Variants in PTPN14 observed in about 807,000 individuals in gnomAD.
PTPN14 encodes the protein tyrosine-protein phosphatase non-receptor type 14.
A neutral mutation model predicts 126.8 loss-of-function variants in PTPN14; 53 were observed. The observed-to-expected ratio is 0.42, with a 90% CI of 0.34 to 0.53. The LOEUF is 0.53. Among genes scored for constraint, PTPN14 ranks in the 20% least tolerant of loss-of-function variants. The pLI is 0.08. For missense variants in PTPN14, 1,257 were observed against 1,552.9 expected, an observed-to-expected ratio of 0.81 and a Z score of 3.20; for synonymous variants, 630 against 599.3, an observed-to-expected ratio of 1.05 and a Z score of -0.75.
At chr1:214,362,950 GCA>G (rs1371676659) in intron 18 of PTPN14, among the ~76,000 whole-genome samples, 1 of 152,242 alleles carries the variant, frequency 6.6e-6, no homozygotes, top group Non-Finnish European at 1.5e-5. Flanking sequence ...CTCAAGCCAT[GCA>G]CACACTGATT....
chr1:214,441,835 A>G (rs1449563866), intron 3 of PTPN14, among the ~76,000 whole-genome samples: 1 of 152,238 alleles, frequency 6.6e-6, no homozygotes, highest in African/African-American at 2.4e-5. Flanking sequence ...GCTTTAGAAA[A>G]AGTAGACTAT....
chr1:214,373,558 A>AACACAC (rs10562157), intron 15 of PTPN14, among the ~76,000 whole-genome samples: 124 of 138,688 alleles, frequency 8.9e-4, no homozygotes, highest in African/African-American at 1.8e-3. Context: ...ATTTCATTGA[A>AACACAC]ACACACACAC....
chr1:214,395,097 A>T, intron 8 of PTPN14, 111 bp from the exon 9 acceptor site: 1 of 927,908 alleles, frequency 1.1e-6, no homozygotes, highest in Non-Finnish European at 1.7e-6. Context: ...ACTATGATTT[A>T]ACTATTTTTT....
At chr1:214,467,471 A>G (rs552160355) in intron 1 of PTPN14, among the ~76,000 whole-genome samples, 74 of 152,244 alleles carry the variant, frequency 4.9e-4, no homozygotes, top group Non-Finnish European at 6.5e-4. Context: ...AACAATCTCT[A>G]CTACATATTC....
chr1:214,421,969 A>G (rs1032587214), intron 3 of PTPN14, among the ~76,000 whole-genome samples: 5 of 152,172 alleles, frequency 3.3e-5, no homozygotes, highest in Non-Finnish European at 7.4e-5. Context: ...CACTGGCACC[A>G]GCGCCTCCCC....
chr1:214,374,442 C>T (rs1391868552), intron 15 of PTPN14, among the ~76,000 whole-genome samples: 1 of 152,168 alleles, frequency 6.6e-6, no homozygotes, highest in Non-Finnish European at 1.5e-5. Flanking sequence ...ATAAATACTT[C>T]CAGAGAATGC....
chr1:214,414,482 C>T, intron 4 of PTPN14, 147 bp downstream of exon 4: 2 of 775,246 alleles, frequency 2.6e-6, no homozygotes, highest in South Asian at 1.8e-5. Context: ...ACTAACTTTG[C>T]ATTTTTCACG....
intron 18 of PTPN14, among the ~76,000 whole-genome samples, chr1:214,358,933 A>C (rs1657888904): frequency 6.6e-6 from 1 of 151,306 alleles, no homozygotes; most frequent in African/African-American, 2.4e-5. Context: ...TAGTAGAGAC[A>C]GGGTTTCGTC....
At chr1:214,437,668 C>G (rs1400225013) in intron 3 of PTPN14, among the ~76,000 whole-genome samples, 2 of 152,116 alleles carry the variant, frequency 1.3e-5, no homozygotes, top group Admixed American at 1.3e-4. Flanking sequence ...CTTCTAGGAT[C>G]CCCAGGAAGA....
intron 1 of PTPN14, among the ~76,000 whole-genome samples, chr1:214,545,193 G>A (rs530277083): frequency 1.6e-4 from 24 of 152,304 alleles, no homozygotes; most frequent in African/African-American, 4.3e-4. Context: ...TTTCTGCAGC[G>A]CTGAAAGAGT....
Position 214,419,688 on chromosome 1 carries a change from CAA to C in PTPN14, c.345-4964_345-4963del, listed in dbSNP as rs61274772. Among the ~76,000 whole-genome samples, 384 of 151,372 alleles carry C rather than the reference CAA, an allele frequency of 2.5e-3. 1 individual carries two copies. The highest frequency in any genetic ancestry group is 8.9e-3 in the African/African-American group (369 of 41,274). On this transcript the variant is annotated intron_variant, in intron 3 of 18. Coordinates refer to ENST00000366956, the MANE Select transcript of PTPN14 (RefSeq NM_005401.5). Reference sequence around the variant, plus strand: ...GGAAACGTTTCTCTACTATAAAAGACAAAAAAAAGAGGGAAAAGAGACAAGTA... The same window carrying C: ...GGAAACGTTTCTCTACTATAAAAGACAAAAAAGAGGGAAAAGAGACAAGTA...
intron 8 of PTPN14, 25 bp downstream of exon 8, chr1:214,397,888 A>C (rs766164453): frequency 4.0e-5 from 62 of 1,551,258 alleles, no homozygotes; most frequent in Admixed American, 5.2e-5. Flanking sequence ...AAAAAGAAAA[A>C]AGAAAAACAA....
intron 1 of PTPN14, among the ~76,000 whole-genome samples, chr1:214,537,667 G>A (rs942652565): frequency 6.6e-6 from 1 of 152,156 alleles, no homozygotes; most frequent in African/African-American, 2.4e-5. Flanking sequence ...GGTGTCATCA[G>A]GCTTACATTT....
chr1:214,393,331 T>C (rs1419859797), intron 10 of PTPN14, among the ~76,000 whole-genome samples: 2 of 152,180 alleles, frequency 1.3e-5, no homozygotes, highest in African/African-American at 4.8e-5. Context: ...CTCGTCACTC[T>C]GTTACCCACT....
At chr1:214,435,743 C>CA (rs1402983150) in intron 3 of PTPN14, among the ~76,000 whole-genome samples, 1 of 152,008 alleles carries the variant, frequency 6.6e-6, no homozygotes, top group East Asian at 1.9e-4. Flanking sequence ...ATTAAAAAGT[C>CA]AAAAAATAAC....
intron 3 of PTPN14, among the ~76,000 whole-genome samples, chr1:214,449,357 A>G (rs780860762): frequency 5.9e-5 from 9 of 152,198 alleles, no homozygotes. Flanking sequence ...TTCATAAAGC[A>G]TAACTTCTGA....
intron 18 of PTPN14, among the ~76,000 whole-genome samples, chr1:214,358,811 C>T (rs190104919): frequency 7.5e-4 from 112 of 148,436 alleles, no homozygotes; most frequent in Admixed American, 3.6e-3. Flanking sequence ...GGTGTGATCT[C>T]GGCTCACTGC....
intron 1 of PTPN14, among the ~76,000 whole-genome samples, chr1:214,541,270 G>C (rs77493921): frequency 0.077 from 11,701 of 152,212 alleles, 1,515 homozygotes; most frequent in African/African-American, 0.27. Context: ...AGTGGGGGCA[G>C]AAAGTAACAA....
At chr1:214,468,765 C>T (rs1020630888) in intron 1 of PTPN14, among the ~76,000 whole-genome samples, 16 of 152,188 alleles carry the variant, frequency 1.1e-4, no homozygotes, top group African/African-American at 3.6e-4. Context: ...TCCTCAATGC[C>T]GATAGTAAAC....
Sources: allele counts gnomAD v4.1 joint callset (sites outside exome capture counted in the v4.1 genomes callset), GRCh38; gene constraint gnomAD v4.1.1; transcripts MANE v1.5; gene names NCBI Gene and HGNC (gene_info 2026-07-23, HGNC 2026-07-21).